The following C12orf42 variants were observed in gnomAD, a reference collection of about 807,000 sequenced individuals.
C12orf42 encodes chromosome 12 open reading frame 42.
A neutral mutation model predicts 21.6 loss-of-function variants in C12orf42; 25 were observed. The observed-to-expected ratio is 1.16, with a 90% CI of 0.84 to 1.62. The LOEUF is 1.62. C12orf42 is among the 40% of genes most tolerant of loss of function. The pLI is 0.00. For synonymous variants in C12orf42, 174 were observed against 175.0 expected (o/e 0.99, Z 0.05); for missense variants, 483 against 459.3 (o/e 1.05, Z -0.47).
chr12:103,419,820 C>G (rs141498754), intron 2 of C12orf42, among the ~76,000 whole-genome samples: 32 of 152,224 alleles, frequency 2.1e-4, no homozygotes, highest in African/African-American at 7.7e-4. Flanking sequence ...GGGCCCGAAC[C>G]CTGATATTAT....
At chr12:103,342,560 A>C (rs1216043678) in intron 4 of C12orf42, among the ~76,000 whole-genome samples, 3 of 152,136 alleles carry the variant, frequency 2.0e-5, no homozygotes, top group Non-Finnish European at 4.4e-5. Context: ...AGCAAAGTTA[A>C]TCAGAAAGCC....
chr12:103,378,367 C>A (rs1490616891), intron 3 of C12orf42, among the ~76,000 whole-genome samples: 2 of 152,156 alleles, frequency 1.3e-5, no homozygotes, highest in Non-Finnish European at 1.5e-5. Flanking sequence ...CATCCAGCTT[C>A]TTCAAAAGGC....
chr12:103,157,776 T>C, the C12orf42 span, among the ~76,000 whole-genome samples: 6 of 152,190 alleles, frequency 3.9e-5, no homozygotes, highest in Non-Finnish European at 8.8e-5. Context: ...ATCAGATGGT[T>C]GTAGGTGTGT....
chr12:103,414,992 G>A (rs2049177306), intron 2 of C12orf42, among the ~76,000 whole-genome samples: 1 of 151,998 alleles, frequency 6.6e-6, no homozygotes, highest in South Asian at 2.1e-4. Context: ...AAAAAGATAA[G>A]GCTCAACCAT....
chr12:103,323,004 G>A (rs2040336844), intron 4 of C12orf42, among the ~76,000 whole-genome samples: 1 of 152,154 alleles, frequency 6.6e-6, no homozygotes, highest in Non-Finnish European at 1.5e-5. Flanking sequence ...CCATTCTGCA[G>A]ATGATGAAGA....
chr12:103,141,504 G>C, the C12orf42 span, among the ~76,000 whole-genome samples: 2 of 150,610 alleles, frequency 1.3e-5, no homozygotes, highest in Non-Finnish European at 2.9e-5. Flanking sequence ...TTGATGAATG[G>C]ATAAAGGATC....
intron 6 of C12orf42, among the ~76,000 whole-genome samples, chr12:103,269,647 A>C (rs1256189623): frequency 1.3e-5 from 2 of 152,164 alleles, no homozygotes; most frequent in African/African-American, 4.8e-5. Context: ...TTGAGCCCCT[A>C]AAATGTACCT....
chr12:103,482,411 C>A (rs4015524), intron 1 of C12orf42, among the ~76,000 whole-genome samples: 148,004 of 152,272 alleles, frequency 0.97, 71,981 homozygotes, highest in East Asian at 1. Context: ...TTGTAAAGAT[C>A]GTAGTCAGTC....
chr12:103,067,328 C>T, the C12orf42 span, among the ~76,000 whole-genome samples: 49 of 152,278 alleles, frequency 3.2e-4, no homozygotes, highest in African/African-American at 4.3e-4. Context: ...ACTCACTTTA[C>T]GGCTGAAGAA....
the C12orf42 span, among the ~76,000 whole-genome samples, chr12:103,072,117 C>G: frequency 1.3e-5 from 2 of 152,254 alleles, no homozygotes; most frequent in East Asian, 3.9e-4. Flanking sequence ...ATTCACGAAG[C>G]AAGTGCCATC....
At chr12:103,174,344 A>T in the C12orf42 span, among the ~76,000 whole-genome samples, 4 of 152,198 alleles carry the variant, frequency 2.6e-5, no homozygotes, top group African/African-American at 4.8e-5. Flanking sequence ...ATGTGATTCA[A>T]AGTGTGCCAA....
chr12:103,205,148 T>C, the C12orf42 span, among the ~76,000 whole-genome samples: 2 of 152,178 alleles, frequency 1.3e-5, no homozygotes, highest in South Asian at 4.1e-4. Flanking sequence ...GATGAGGCTG[T>C]GGAACAATGG....
At chr12:103,057,634 C>A in the C12orf42 span, among the ~76,000 whole-genome samples, 2 of 152,054 alleles carry the variant, frequency 1.3e-5, no homozygotes, top group Non-Finnish European at 2.9e-5. Context: ...CAAGTCTTTG[C>A]TATTGTAAAT....
chr12:103,332,673 G>T (rs991746245), intron 4 of C12orf42, among the ~76,000 whole-genome samples: 6 of 152,234 alleles, frequency 3.9e-5, no homozygotes, highest in Non-Finnish European at 8.8e-5. Flanking sequence ...CCCAGGCTAC[G>T]TACTGGGTAG....
At chr12:103,101,557 G>T in the C12orf42 span, among the ~76,000 whole-genome samples, 1 of 152,140 alleles carries the variant, frequency 6.6e-6, no homozygotes, top group Non-Finnish European at 1.5e-5. Context: ...TCCCTAAGCT[G>T]ATCACTCCTA....
the C12orf42 span, among the ~76,000 whole-genome samples, chr12:103,083,167 C>T: frequency 3.3e-5 from 5 of 152,114 alleles, no homozygotes. Flanking sequence ...GAGTTTGAGG[C>T]CAACCTGACC....
the C12orf42 span, among the ~76,000 whole-genome samples, chr12:103,523,054 A>T: frequency 7.2e-3 from 1,099 of 152,348 alleles, 17 homozygotes; most frequent in African/African-American, 0.025. Flanking sequence ...GTCAGTCTGA[A>T]GAGCCATCTC....
chr12:103,478,369 G>A lies in C12orf42; in HGVS notation c.58C>T (p.Pro20Ser), dbSNP rs552758475. Residue 20 changes from proline (P) to serine (S), a missense_variant, in exon 2 of 6, where the codon CCT (proline) becomes TCT (serine). Transcript: ENST00000548883. ...ATTACCTGCATCCTGTTTGCAAAAG[G>A]TCTGATGGTTAGCAAGAATTCTTCT... The part of the protein sequence containing the change: ...REEEFLLTIR[P>S]FANRMQKSPC... 7 of 1,603,456 alleles carry A rather than the reference G, an allele frequency of 4.4e-6. No homozygotes were observed. In the East Asian group the frequency reaches 6.7e-5, roughly 15 times the overall value.
chr12:103,526,387 G>C, the C12orf42 span, among the ~76,000 whole-genome samples: 6 of 152,290 alleles, frequency 3.9e-5, 1 homozygote, highest in South Asian at 1.0e-3. Flanking sequence ...TGCACGAGTT[G>C]TCTGGTTTTA....
Sources: gnomAD v4.1 joint callset for allele counts (sites outside exome capture counted in the v4.1 genomes callset) on GRCh38, gnomAD v4.1.1 for gene constraint, MANE v1.5 for transcripts, NCBI Gene and HGNC (gene_info 2026-07-23, HGNC 2026-07-21) for gene names.